The following LDLRAD3 variants were observed in gnomAD, a reference collection of about 807,000 sequenced individuals.
The protein encoded by LDLRAD3 is low density lipoprotein receptor class A domain containing 3, also known as low-density lipoprotein receptor class A domain-containing protein 3.
LDLRAD3 carries 20 observed loss-of-function variants against 29.4 expected under a neutral mutation model. That is an observed-to-expected ratio of 0.68 (90% CI 0.48 to 0.99). LDLRAD3 has a LOEUF of 0.99. Ranked by LOEUF, LDLRAD3 falls within the 50% of genes least tolerant of loss-of-function variation. LDLRAD3 has a pLI of 0.00. For missense variants in LDLRAD3, 420 were observed against 454.3 expected (o/e 0.92, Z 0.69); for synonymous variants, 157 against 192.7 (o/e 0.81, Z 1.53).
At chr11:35,963,183 A>G (rs1851298719) in intron 1 of LDLRAD3, among the ~76,000 whole-genome samples, 1 of 152,232 alleles carries the variant, frequency 6.6e-6, no homozygotes. Flanking sequence ...CTGTGCATGT[A>G]TGAAACCAAC....
chr11:35,998,431 C>A (rs79458380), intron 1 of LDLRAD3, among the ~76,000 whole-genome samples: 2,679 of 152,278 alleles, frequency 0.018, 84 homozygotes, highest in African/African-American at 0.058. Context: ...CTGCCAGGCT[C>A]CTTTCAGCCA....
intron 4 of LDLRAD3, among the ~76,000 whole-genome samples, chr11:36,137,338 C>G (rs1411213169): frequency 6.6e-6 from 1 of 152,208 alleles, no homozygotes; most frequent in Non-Finnish European, 1.5e-5. Context: ...GGGCTCAATT[C>G]ACATACCTAC....
intron 4 of LDLRAD3, among the ~76,000 whole-genome samples, chr11:36,208,852 G>A (rs192732470): frequency 1.7e-4 from 26 of 152,322 alleles, no homozygotes; most frequent in Admixed American, 3.9e-4. Context: ...AAATTAGTGG[G>A]TGAAAGTTTA....
chr11:36,150,936 G>C (rs1452673263), intron 4 of LDLRAD3, among the ~76,000 whole-genome samples: 2 of 152,002 alleles, frequency 1.3e-5, no homozygotes, highest in African/African-American at 4.8e-5. Context: ...TTGTCTTGCT[G>C]TCTGTGTTCA....
At chr11:36,159,369 C>T (rs1461163936) in intron 4 of LDLRAD3, among the ~76,000 whole-genome samples, 7 of 151,370 alleles carry the variant, frequency 4.6e-5, no homozygotes, top group African/African-American at 7.3e-5. Flanking sequence ...CTGGAGAAGC[C>T]GAGGTGGGAG....
intron 3 of LDLRAD3, among the ~76,000 whole-genome samples, chr11:36,094,236 A>G (rs1382763951): frequency 3.3e-5 from 5 of 152,200 alleles, no homozygotes; most frequent in Non-Finnish European, 1.5e-5. Flanking sequence ...ACACCAGTTC[A>G]TTGATTTTTC....
rs78236358 is a variant in LDLRAD3 at position 36,129,296 on chromosome 11, C to T, written c.454+30835C>T. Reference sequence around the variant, plus strand: ...CCCAAAGGATTTGGCTTGCAACTGTCGATGGCAGAGGCTGCTGCAAGCAGG... The same window carrying T: ...CCCAAAGGATTTGGCTTGCAACTGTTGATGGCAGAGGCTGCTGCAAGCAGG... On this transcript the variant is annotated intron_variant, in intron 4 of 5. Coordinates refer to ENST00000315571, the MANE Select transcript of LDLRAD3 (RefSeq NM_174902.4). Among the ~76,000 whole-genome samples the T allele has an allele frequency of 4.5e-4, 68 of 152,298 alleles. 1 individual carries two copies. In the East Asian group the frequency reaches 4.8e-3, roughly 11 times the overall value.
At chr11:36,013,774 G>A (rs1294466872) in intron 1 of LDLRAD3, among the ~76,000 whole-genome samples, 2 of 109,804 alleles carry the variant, frequency 1.8e-5, no homozygotes, top group African/African-American at 6.8e-5. Context: ...ACCCCCAGGG[G>A]AGTGTGCCTG....
rs143092199 is a variant in LDLRAD3 at position 36,231,577 on chromosome 11, C to G, written c.*2180C>G. ...AATTGCGCAGTGAGTTAATCTCACT[C>G]GCTTTTCTGCTTCCAGGCATCTTAG... On this transcript the variant is annotated 3_prime_UTR_variant, in exon 6 of 6. Transcript: ENST00000315571. 6.6e-6 allele frequency: 1 copy of G among 152,198 alleles called. No individual in the cohort carries two copies. The highest frequency in any genetic ancestry group is 2.1e-4 in the South Asian group (1 of 4,812). The allele number at this position is 152,198 out of a possible 1,614,324, so 9.4% of individuals were successfully genotyped here. A position where few individuals can be genotyped will look rare whatever the true frequency, so the allele number is the denominator to read the frequency against.
intron 4 of LDLRAD3, among the ~76,000 whole-genome samples, chr11:36,161,979 TA>T: frequency 6.6e-6 from 1 of 152,282 alleles, no homozygotes; most frequent in Middle Eastern, 3.4e-3. Context: ...TATCCAAAAA[TA>T]ATCACCCCTA....
chr11:35,945,383 C>T (rs1400047511), intron 1 of LDLRAD3, among the ~76,000 whole-genome samples: 3 of 152,218 alleles, frequency 2.0e-5, no homozygotes, highest in East Asian at 3.9e-4. Flanking sequence ...TGCTCTCAGA[C>T]CCATGACATC....
intron 3 of LDLRAD3, among the ~76,000 whole-genome samples, chr11:36,082,653 G>T (rs1287150308): frequency 6.6e-6 from 1 of 152,140 alleles, no homozygotes. Flanking sequence ...TATTCCCCTG[G>T]TATCAGTGTG....
chr11:36,094,680 C>T (rs1853333088), intron 3 of LDLRAD3, among the ~76,000 whole-genome samples: 1 of 152,118 alleles, frequency 6.6e-6, no homozygotes, highest in African/African-American at 2.4e-5. Context: ...GGATTACAGG[C>T]ATGCGCCACT....
intron 1 of LDLRAD3, chr11:35,968,543 A>G: frequency 4.0e-6 from 1 of 250,068 alleles, no homozygotes; most frequent in Non-Finnish European, 8.1e-6. Context: ...AGTCCTGGGC[A>G]ATGTAAGCAT....
In LDLRAD3 at chr11:36,062,067, GTC is replaced by G. The variant is rs1301544545; in HGVS notation, c.194-19585_194-19584del. On this transcript the variant is annotated intron_variant, in intron 2 of 5. Transcript: ENST00000315571. ...TTAATCCTCCCAGCTACTCTGTAAG[GTC>G]AGTTTCATCTCCCATTTTACAGATG... 2.6e-5 allele frequency among the ~76,000 whole-genome samples: 4 copies of G among 152,188 alleles called. No individual in the cohort carries two copies. The East Asian group carries it at 7.7e-4, about 29-fold the overall frequency.
chr11:36,024,176 C>T (rs1368776445), intron 1 of LDLRAD3, among the ~76,000 whole-genome samples: 1 of 152,064 alleles, frequency 6.6e-6, no homozygotes, highest in Non-Finnish European at 1.5e-5. Context: ...CTCAGAGAGT[C>T]CGTAAGAATG....
At chr11:36,011,025 G>A (rs61333196) in intron 1 of LDLRAD3, among the ~76,000 whole-genome samples, 4 of 152,098 alleles carry the variant, frequency 2.6e-5, no homozygotes, top group African/African-American at 4.8e-5. Flanking sequence ...GGCTGGTCTC[G>A]AACTCCTAAC....
chr11:36,229,205 G>A lies in LDLRAD3; in HGVS notation c.846G>A (p.Thr282=), dbSNP rs560624061. 7.4e-5 allele frequency: 120 copies of A among 1,613,836 alleles called. 1 individual carries two copies. The South Asian group carries it at 1.2e-3, about 16-fold the overall frequency. The change falls in exon 6 of 6, where the codon ACG becomes ACA. Residue 282 remains threonine, a synonymous_variant. Coordinates refer to ENST00000315571, the MANE Select transcript of LDLRAD3 (RefSeq NM_174902.4). Reference sequence around the variant, plus strand: ...CTCCACCGCCCTACTCTTCTGACACGGAATCTCTGAACCAAGCCGACCTGC... The same window carrying A: ...CTCCACCGCCCTACTCTTCTGACACAGAATCTCTGAACCAAGCCGACCTGC... ...DLPPPPYSSD[T]ESLNQADLPP...
At chr11:36,010,039 AAGAG>A (rs1851935339) in intron 1 of LDLRAD3, 1 of 154,378 alleles carries the variant, frequency 6.5e-6, no homozygotes, top group Non-Finnish European at 1.5e-5. Flanking sequence ...TAAGGGACTG[AAGAG>A]TATAACCTAC....
Sources: allele counts gnomAD v4.1 joint callset (sites outside exome capture counted in the v4.1 genomes callset), GRCh38; gene constraint gnomAD v4.1.1; transcripts MANE v1.5; gene names NCBI Gene and HGNC (gene_info 2026-07-23, HGNC 2026-07-21).